FGFR1: variants seen among roughly 807,000 people sequenced by gnomAD.
The protein encoded by FGFR1 is FGFR1/PLAG1 fusion.
A neutral mutation model predicts 93.7 loss-of-function variants in FGFR1; 18 were observed. The ratio of observed to expected loss-of-function variants is 0.19; its 90% confidence interval spans 0.13 to 0.28. FGFR1 has a LOEUF of 0.28. Ranked by LOEUF, FGFR1 falls within the 10% of genes least tolerant of loss-of-function variation. The probability of loss-of-function intolerance (pLI) is 1.00; values close to 1 mark genes in which losing one functional copy is unlikely to be tolerated. For missense variants in FGFR1, 731 were observed against 1,080.4 expected (o/e 0.68, Z 4.53); for synonymous variants, 448 against 429.3 (o/e 1.04, Z -0.54).
chr8:38,451,299 A>T (rs1201131508), intron 2 of FGFR1, among the ~76,000 whole-genome samples: 3 of 151,954 alleles, frequency 2.0e-5, no homozygotes, highest in African/African-American at 7.2e-5. Flanking sequence ...CTTGGGACAC[A>T]GGACCACAGT....
At chr8:38,458,737 A>C (rs1833594209) in intron 1 of FGFR1, 1 of 219,574 alleles carries the variant, frequency 4.6e-6, no homozygotes. Context: ...AGCAGCTGAA[A>C]TAAATGACCT....
chr8:38,434,022 G>C (rs1243361487), intron 2 of FGFR1, among the ~76,000 whole-genome samples: 2 of 152,148 alleles, frequency 1.3e-5, no homozygotes, highest in Non-Finnish European at 2.9e-5. Context: ...TACAATATGT[G>C]ATCTTTTGTG....
At chr8:38,423,035 A>G (rs776917682) in intron 7 of FGFR1, 4 of 779,586 alleles carry the variant, frequency 5.1e-6, no homozygotes, top group Non-Finnish European at 9.6e-6. Context: ...CTTTTGCCAC[A>G]GGTCTGGTGA....
rs191573351 is a variant in FGFR1 at position 38,465,405 on chromosome 8, C to G, written c.-89+2576G>C. 7.7e-5 allele frequency: 18 copies of G among 232,272 alleles called. No homozygotes were observed. In the Admixed American group the frequency reaches 9.6e-4, roughly 12 times the overall value. The allele number at this position is 232,272 out of a possible 1,614,324, so 14.4% of individuals were successfully genotyped here. ...AATCTGGATGAACCTCATTAAAAAG[C>G]TGACACTCAGCTATGACTAAGAGTA... On this transcript the variant is annotated intron_variant, in intron 1 of 17. Transcript: ENST00000447712.
At chr8:38,425,547 G>A (rs1000478444) in intron 6 of FGFR1, among the ~76,000 whole-genome samples, 3 of 152,150 alleles carry the variant, frequency 2.0e-5, no homozygotes, top group African/African-American at 7.2e-5. Flanking sequence ...TGTACCCAAT[G>A]ATCTCTAGGG....
chr8:38,419,755 G>T lies in FGFR1; in HGVS notation c.1082-20C>A. The stretch of plus-strand genomic sequence containing the variant: ...CCAGGGCTGAGTCAGTGCGAACAGG[G>T]TGTTAGCAGGCTTGGAGGGCCCCGT... On this transcript the variant is annotated intron_variant, in intron 8 of 17. Transcript: ENST00000447712. 6.2e-7 allele frequency: 1 copy of T among 1,610,508 alleles called. No individual in the cohort carries two copies. The highest frequency in any genetic ancestry group is 8.5e-7 in the Non-Finnish European group (1 of 1,177,258).
rs562958780 is a variant in FGFR1, at chr8:38,428,400, C to A, written c.394G>T (p.Asp132Tyr). Residue 132 changes from aspartate (D) to tyrosine (Y), a missense_variant, in exon 4 of 18, where the codon GAT becomes TAT. Coordinates refer to ENST00000447712, the MANE Select transcript of FGFR1 (RefSeq NM_023110.3). Reference protein sequence around the residue: ...LPSSEDDDDDDDSSSEEKETD... With the variant: ...LPSSEDDDDDYDSSSEEKETD... ...TCTTTCTCCTCTGAAGAGGAGTCAT[C>A]ATCATCATCATCATCCTCCGAGGAG... 6.2e-7 allele frequency: 1 copy of A among 1,613,700 alleles called. No individual in the cohort carries two copies. The highest frequency in any genetic ancestry group is 1.1e-5 in the South Asian group (1 of 91,064).
rs74610247 is a variant in FGFR1 at position 38,455,851 on chromosome 8, G to A, written c.91+1505C>T. ...CCACCTCTGGTTGTAACTTCACTGG[G>A]TGGTTTAAACACAGTCTGTCTTGTG... On this transcript the variant is annotated intron_variant, in intron 2 of 17. Transcript: ENST00000447712. Among the ~76,000 whole-genome samples the A allele has an allele frequency of 6.5e-3, 992 of 152,108 alleles. 7 individuals are homozygous for A. The highest frequency in any genetic ancestry group is 0.01 in the Non-Finnish European group (706 of 68,010).
Position 38,462,504 on chromosome 8 carries a change from A to C in FGFR1, c.-88-4970T>G, listed in dbSNP as rs544790957. Among the ~76,000 whole-genome samples, 468 of 151,376 alleles carry C rather than the reference A, an allele frequency of 3.1e-3. 1 individual carries two copies. Among genetic ancestry groups the C allele is most frequent in the Non-Finnish European group, 5.3e-3 (357 of 67,802 alleles). ...GGCAACAAAGTGAGACTCCGTCTCA[A>C]AAAAAAAAATTTTTTTTACCTATTT... On this transcript the variant is annotated intron_variant, in intron 1 of 17. Transcript: ENST00000447712.
chr8:38,457,205 G>C (rs956285555), intron 2 of FGFR1, 151 bp downstream of exon 2: 86 of 848,780 alleles, frequency 1.0e-4, no homozygotes, highest in Admixed American at 8.3e-4. Context: ...CAGGTATCTT[G>C]AGAGTTTCTC....
At chr8:38,445,684 G>A (rs1314702867) in intron 2 of FGFR1, among the ~76,000 whole-genome samples, 1 of 151,166 alleles carries the variant, frequency 6.6e-6, no homozygotes, top group African/African-American at 2.4e-5. Flanking sequence ...GATTACAGGC[G>A]CCTGCCATCA....
rs763446575 is a variant in FGFR1, at chr8:38,457,547, A to G, written c.-88-13T>C. The G allele has an allele frequency of 4.7e-5, 74 of 1,562,406 alleles. No individual in the cohort carries two copies. Among genetic ancestry groups the G allele is most frequent in the Middle Eastern group, 1.7e-4 (1 of 6,024 alleles). ...TTTCAAACTGACCCTGAGGAAAGGAAAAAAACCCCAAAAGTTAGGAGGGTC... is the reference window on the plus strand; with the variant it reads ...TTTCAAACTGACCCTGAGGAAAGGAGAAAAACCCCAAAAGTTAGGAGGGTC... On this transcript the variant is annotated splice_polypyrimidine_tract_variant and intron_variant, in intron 1 of 17. Coordinates refer to ENST00000447712, the MANE Select transcript of FGFR1 (RefSeq NM_023110.3).
At chr8:38,425,814 G>A (rs965752220) in intron 6 of FGFR1, 3 of 422,766 alleles carry the variant, frequency 7.1e-6, no homozygotes, top group Non-Finnish European at 1.3e-5. Flanking sequence ...AGCATTAAGC[G>A]ACAGCTCCTA....
Position 38,419,461 on chromosome 8 carries a change from A to G in FGFR1, c.1284+72T>C, listed in dbSNP as rs1263196124. 9 of 1,375,982 alleles carry G rather than the reference A, an allele frequency of 6.5e-6. No individual in the cohort carries two copies. The East Asian group carries it at 1.4e-4, about 21-fold the overall frequency. 85.2% of individuals were successfully genotyped at this position (1,375,982 alleles called of 1,614,324 possible). A position where few individuals can be genotyped will look rare whatever the true frequency, so the allele number is the denominator to read the frequency against. On this transcript the variant is annotated intron_variant, in intron 9 of 17. Coordinates refer to ENST00000447712, the MANE Select transcript of FGFR1 (RefSeq NM_023110.3). ...GGCCCAAAGCTATAAATTAGGGACA[A>G]TGGAGAGGGCAGGGCATTAGAGGCC...
chr8:38,411,898 G>A lies in FGFR1; in HGVS notation c.*1730C>T, dbSNP rs1814521266. On this transcript the variant is annotated 3_prime_UTR_variant, in exon 18 of 18. Coordinates refer to ENST00000447712, the MANE Select transcript of FGFR1 (RefSeq NM_023110.3). The stretch of plus-strand genomic sequence containing the variant: ...ATACAGTCTGGTCACATGGATACAG[G>A]AAGGACGATCTGGGGAGGCATACCA... 4.4e-6 allele frequency: 1 copy of A among 229,268 alleles called. No homozygotes were observed. Among genetic ancestry groups the A allele is most frequent in the East Asian group, 6.2e-5 (1 of 16,020 alleles). The allele number at this position is 229,268 out of a possible 1,614,324, so 14.2% of individuals were successfully genotyped here. A position where few individuals can be genotyped will look rare whatever the true frequency, so the allele number is the denominator to read the frequency against.
intron 8 of FGFR1, 65 bp downstream of exon 8, chr8:38,421,732 A>G (rs778979814): frequency 4.0e-4 from 620 of 1,560,386 alleles, no homozygotes; most frequent in Non-Finnish European, 5.0e-4. Context: ...CAAGCCTGGA[A>G]ATGCATGCTC....
At chr8:38,451,151 C>G (rs896719047) in intron 2 of FGFR1, among the ~76,000 whole-genome samples, 1 of 152,166 alleles carries the variant, frequency 6.6e-6, no homozygotes, top group Non-Finnish European at 1.5e-5. Flanking sequence ...GAATTCCATT[C>G]GCCTTCTGGC....
intron 13 of FGFR1, 83 bp from the exon 14 acceptor site, chr8:38,414,984 C>T (rs1006427079): frequency 1.8e-6 from 2 of 1,141,180 alleles, no homozygotes; most frequent in Admixed American, 3.8e-5. Flanking sequence ...ATGCAACTAG[C>T]CGACTTGTCT....
rs397515481 is a variant in FGFR1 at position 38,428,048 on chromosome 8, A to C, written c.494T>G (p.Leu165Trp). 6.2e-7 allele frequency: 1 copy of C among 1,614,266 alleles called. No homozygotes were observed. The highest frequency in any genetic ancestry group is 8.5e-7 in the Non-Finnish European group (1 of 1,180,050). ...WTSPEKMEKK[L>W]HAVPAAKTVK... Reference sequence around the variant, plus strand: ...TGTCTTGGCAGCCGGCACTGCATGCAATTTCTTTTCCATCTTTTCTGGGGA... The same window carrying C: ...TGTCTTGGCAGCCGGCACTGCATGCCATTTCTTTTCCATCTTTTCTGGGGA... The change falls in exon 5 of 18, where the codon TTG becomes TGG. Residue 165 changes from leucine to tryptophan, a missense_variant. Leu to Trp is a moderately conservative substitution (Grantham distance 61). Transcript: ENST00000447712.
Sources: allele counts gnomAD v4.1 joint callset (sites outside exome capture counted in the v4.1 genomes callset), GRCh38; gene constraint gnomAD v4.1.1; transcripts MANE v1.5; gene names NCBI Gene and HGNC (gene_info 2026-07-23, HGNC 2026-07-21).